The following TENM3 variants were observed in gnomAD, a reference collection of about 807,000 sequenced individuals.
TENM3 encodes teneurin-3.
Under a neutral mutation model 255.1 loss-of-function variants are expected in TENM3, and 63 were observed. That is an observed-to-expected ratio of 0.25 (90% CI 0.20 to 0.30). TENM3 has a LOEUF of 0.30. Among genes scored for constraint, TENM3 ranks in the 10% least tolerant of loss-of-function variants. The pLI is 1.00. For missense variants in TENM3, 2,929 were observed against 3,461.1 expected, an observed-to-expected ratio of 0.85 and a Z score of 3.86; for synonymous variants, 1,306 against 1,322.3, an observed-to-expected ratio of 0.99 and a Z score of 0.27.
Position 182,330,494 on chromosome 4 carries a change from G to A in TENM3, c.232+6242G>A, listed in dbSNP as rs993682728. On this transcript the variant is annotated intron_variant, in intron 2 of 27. Coordinates refer to ENST00000511685, the MANE Select transcript of TENM3 (RefSeq NM_001080477.4). ...TGAGGGTCTTATGTCCTGCTTCAGGGGAGAAGGTCAAGGGGAAAGTGAGAG... is the reference window on the plus strand; with the variant it reads ...TGAGGGTCTTATGTCCTGCTTCAGGAGAGAAGGTCAAGGGGAAAGTGAGAG... Among the ~76,000 whole-genome samples, 4 of 152,198 alleles carry A rather than the reference G, an allele frequency of 2.6e-5. No individual in the cohort carries two copies. The East Asian group carries it at 5.8e-4, about 22-fold the overall frequency.
At chr4:182,738,336 T>C in intron 17 of TENM3, 65 bp from the exon 18 acceptor site, 1 of 1,454,326 alleles carries the variant, frequency 6.9e-7, no homozygotes, top group Non-Finnish European at 9.2e-7. Context: ...TTTTTCCAAG[T>C]AAGAAAATAA....
At chr4:182,511,397 T>G (rs1229961061) in intron 3 of TENM3, among the ~76,000 whole-genome samples, 1 of 152,172 alleles carries the variant, frequency 6.6e-6, no homozygotes, top group Non-Finnish European at 1.5e-5. Context: ...AACTTAGCTT[T>G]TATGGAATCA....
chr4:181,708,347 T>C, the TENM3 span, among the ~76,000 whole-genome samples: 2 of 152,202 alleles, frequency 1.3e-5, no homozygotes, highest in Non-Finnish European at 2.9e-5. Context: ...TTTGACAATA[T>C]ATAGCATCGT....
At chr4:182,392,177 T>C (rs1038932547) in intron 3 of TENM3, among the ~76,000 whole-genome samples, 1 of 152,152 alleles carries the variant, frequency 6.6e-6, no homozygotes, top group Non-Finnish European at 1.5e-5. Context: ...ATGTGAACAG[T>C]GAAGGGTCGT....
chr4:182,252,824 T>C lies in TENM3; in HGVS notation c.-76+9348T>C, dbSNP rs576416589. ...TCACCGTGTGTCTCATTTAATCACA[T>C]TGCAACAGTCACAACAGTCCTTTCA... On this transcript the variant is annotated intron_variant, in intron 1 of 27. Coordinates refer to ENST00000511685, the MANE Select transcript of TENM3 (RefSeq NM_001080477.4). Among the ~76,000 whole-genome samples, 14 of 152,292 alleles carry C rather than the reference T, an allele frequency of 9.2e-5. 1 individual carries two copies. The South Asian group carries it at 1.2e-3, about 14-fold the overall frequency.
the TENM3 span, among the ~76,000 whole-genome samples, chr4:181,473,474 C>T: frequency 6.6e-6 from 1 of 151,960 alleles, no homozygotes; most frequent in Non-Finnish European, 1.5e-5. Context: ...CACCTGTGGT[C>T]CCAGCTACTC....
At chr4:182,381,149 G>A (rs1372630992) in intron 3 of TENM3, among the ~76,000 whole-genome samples, 1 of 152,224 alleles carries the variant, frequency 6.6e-6, no homozygotes, top group Admixed American at 6.5e-5. Flanking sequence ...AGGAGTGAGA[G>A]CAGGTGCTTT....
At chr4:181,956,228 C>T in the TENM3 span, among the ~76,000 whole-genome samples, 1 of 152,280 alleles carries the variant, frequency 6.6e-6, no homozygotes, top group East Asian at 1.9e-4. Context: ...CCCATAGGCC[C>T]CAGCTCCCAA....
chr4:182,241,280 C>T (rs1757235890), upstream of TENM3, among the ~76,000 whole-genome samples: 1 of 152,118 alleles, frequency 6.6e-6, no homozygotes. Flanking sequence ...CAGTTTTCAC[C>T]TCCATTTCTG....
In TENM3 at chr4:182,270,947, C is replaced by T. The variant is rs1191685330; in HGVS notation, c.-76+27471C>T. On this transcript the variant is annotated intron_variant, in intron 1 of 27. Coordinates refer to ENST00000511685, the MANE Select transcript of TENM3 (RefSeq NM_001080477.4). ...GTCGTGGATCCTGGGTTGATTGACA[C>T]TGTGTAAAAATAAGCGTCACACAAG... 5.3e-5 allele frequency among the ~76,000 whole-genome samples: 8 copies of T among 152,192 alleles called. 1 individual carries two copies. The highest frequency in any genetic ancestry group is 1.9e-4 in the African/African-American group (8 of 41,454).
chr4:181,736,385 G>A, the TENM3 span, among the ~76,000 whole-genome samples: 1 of 152,118 alleles, frequency 6.6e-6, no homozygotes. Context: ...TAATAAACCT[G>A]CTCTTTCACA....
chr4:181,743,873 T>G, the TENM3 span, among the ~76,000 whole-genome samples: 1 of 151,982 alleles, frequency 6.6e-6, no homozygotes, highest in African/African-American at 2.4e-5. Flanking sequence ...GTTATATAGG[T>G]AAAAGTGTGC....
chr4:181,859,913 G>A, the TENM3 span, among the ~76,000 whole-genome samples: 1 of 151,690 alleles, frequency 6.6e-6, no homozygotes, highest in Non-Finnish European at 1.5e-5. Context: ...TTTTTCCTCA[G>A]ACTTTCTTTA....
chr4:181,718,100 A>G, the TENM3 span, among the ~76,000 whole-genome samples: 1 of 152,248 alleles, frequency 6.6e-6, no homozygotes, highest in African/African-American at 2.4e-5. Flanking sequence ...ATAATCATAA[A>G]TGCTGGCAAA....
intron 3 of TENM3, among the ~76,000 whole-genome samples, chr4:182,574,395 A>G (rs1192145217): frequency 6.6e-6 from 1 of 152,072 alleles, no homozygotes; most frequent in Non-Finnish European, 1.5e-5. Flanking sequence ...TTTGGTATGC[A>G]TTACTTCATG....
intron 1 of TENM3, among the ~76,000 whole-genome samples, chr4:182,165,791 T>C (rs1579571209): frequency 6.6e-6 from 1 of 152,150 alleles, no homozygotes; most frequent in African/African-American, 2.4e-5. Flanking sequence ...GTTTTTTGTT[T>C]TTTTGAGAGA....
chr4:182,245,634 C>G (rs534270876), intron 1 of TENM3, among the ~76,000 whole-genome samples: 2 of 152,088 alleles, frequency 1.3e-5, no homozygotes, highest in Non-Finnish European at 2.9e-5. Flanking sequence ...ATGTGATGAC[C>G]GTAGTCCCTG....
the TENM3 span, among the ~76,000 whole-genome samples, chr4:181,625,904 C>A: frequency 6.6e-6 from 1 of 152,008 alleles, no homozygotes; most frequent in Non-Finnish European, 1.5e-5. Context: ...ACCCTCTACA[C>A]CAATATAAGC....
chr4:181,489,352 A>G, the TENM3 span, among the ~76,000 whole-genome samples: 1 of 152,166 alleles, frequency 6.6e-6, no homozygotes, highest in Admixed American at 6.5e-5. Flanking sequence ...ACCAGATTGG[A>G]CTTTTAAAAG....
Sources: allele counts gnomAD v4.1 joint callset (sites outside exome capture counted in the v4.1 genomes callset), GRCh38; gene constraint gnomAD v4.1.1; transcripts MANE v1.5; gene names NCBI Gene and HGNC (gene_info 2026-07-23, HGNC 2026-07-21).